HEATR5B: variants seen among roughly 807,000 people sequenced by gnomAD.
HEATR5B encodes the protein HEAT repeat-containing protein 5B.
Under a neutral mutation model 224.1 loss-of-function variants are expected in HEATR5B, and 156 were observed. The observed-to-expected ratio is 0.70, with a 90% CI of 0.61 to 0.80. The LOEUF is 0.80. HEATR5B is among the 30% of genes least tolerant of loss of function. The pLI, the probability that HEATR5B is intolerant of heterozygous loss-of-function variation, is 0.00. For missense variants in HEATR5B, 2,323 were observed against 2,535.5 expected, an observed-to-expected ratio of 0.92 and a Z score of 1.80; for synonymous variants, 1,027 against 893.0, an observed-to-expected ratio of 1.15 and a Z score of -2.68.
At chr2:37,001,332 A>C (rs1420343085) in intron 32 of HEATR5B, among the ~76,000 whole-genome samples, 2 of 152,182 alleles carry the variant, frequency 1.3e-5, no homozygotes, top group South Asian at 4.1e-4. Flanking sequence ...ATGAAAATTC[A>C]ACCTCCCACA....
intron 5 of HEATR5B, among the ~76,000 whole-genome samples, chr2:37,074,321 C>CAA (rs200217812): frequency 5.9e-5 from 3 of 50,584 alleles, no homozygotes; most frequent in Admixed American, 2.1e-4. Context: ...GACTCCATCT[C>CAA]AAAAAAAAAA....
chr2:37,072,180 C>A lies in HEATR5B; in HGVS notation c.699G>T (p.Gly233=), dbSNP rs1256240853. Reference sequence around the variant, plus strand: ...AAAGTTTAGACACTGCCACTCGTACCCCATAATTTGAGTTTTCCAAAGCCT... The same window carrying A: ...AAAGTTTAGACACTGCCACTCGTACACCATAATTTGAGTTTTCCAAAGCCT... ...CFKALENSNY[G]VRVAVSKLLG... is the part of the protein sequence containing the mutation. The change falls in exon 6 of 36, where the codon GGG becomes GGT. Residue 233 remains glycine, a synonymous_variant. Coordinates refer to ENST00000233099, the MANE Select transcript of HEATR5B (RefSeq NM_019024.3). 6.2e-7 allele frequency: 1 copy of A among 1,613,916 alleles called. No individual in the cohort carries two copies. The highest frequency in any genetic ancestry group is 1.7e-5 in the Admixed American group (1 of 60,012).
At chr2:37,057,284 A>C (rs1424200197) in intron 15 of HEATR5B, 33 bp downstream of exon 15, 1 of 1,509,388 alleles carries the variant, frequency 6.6e-7, no homozygotes, top group Non-Finnish European at 9.0e-7. Context: ...TTTCAGATTA[A>C]GTTAGTATTT....
chr2:36,986,483 G>A (rs976383991), intron 35 of HEATR5B, among the ~76,000 whole-genome samples: 16 of 152,110 alleles, frequency 1.1e-4, no homozygotes, highest in South Asian at 8.3e-4. Context: ...TATTGAAATC[G>A]CTTTTCAAAA....
Position 37,079,119 on chromosome 2 carries a change from C to T in HEATR5B, c.338+1G>A, listed in dbSNP as rs1459688965. On this transcript the variant is annotated splice_donor_variant, in intron 3 of 35. Transcript: ENST00000233099. LOFTEE classifies it high-confidence loss of function. ...GGGCCCCTATTAAAGTAAGTACTTACAATTTTGTTGGTAAGTAGGCCGCAG... is the reference window on the plus strand; with the variant it reads ...GGGCCCCTATTAAAGTAAGTACTTATAATTTTGTTGGTAAGTAGGCCGCAG... 1 of 1,568,174 alleles carries T rather than the reference C, an allele frequency of 6.4e-7. No individual in the cohort carries two copies. Among genetic ancestry groups the T allele is most frequent in the Admixed American group, 1.7e-5 (1 of 57,940 alleles).
At chr2:37,002,194 T>A in intron 32 of HEATR5B, 112 bp downstream of exon 32, 1 of 1,196,348 alleles carries the variant, frequency 8.4e-7, no homozygotes, top group African/African-American at 1.5e-5. Context: ...CTTCTTATTT[T>A]TCACTTGAGA....
rs140310043 is a variant in HEATR5B, at chr2:37,008,765, G to A, written c.4368C>T (p.Asp1456=). Residue 1456 remains aspartate (D), a synonymous_variant, in exon 28 of 36, where the codon GAC becomes GAT. Coordinates refer to ENST00000233099, the MANE Select transcript of HEATR5B (RefSeq NM_019024.3). ...GCAGTTCATCGATGGTACCACAGTC[G>A]TCATCATCATCGTCAGTATTTTTAA... ...RAIKNTDDDD[D]DCGTIDELPP... The A allele has an allele frequency of 4.6e-5, 75 of 1,613,940 alleles. No homozygotes were observed. Among genetic ancestry groups the A allele is most frequent in the Middle Eastern group, 1.7e-4 (1 of 6,060 alleles).
intron 8 of HEATR5B, 102 bp downstream of exon 8, chr2:37,068,579 A>C: frequency 8.0e-7 from 1 of 1,249,390 alleles, no homozygotes; most frequent in Non-Finnish European, 1.1e-6. Context: ...ATGAAAACAC[A>C]CAGAAAGATA....
At chr2:37,017,842 G>A (rs2148428982) in intron 26 of HEATR5B, among the ~76,000 whole-genome samples, 1 of 152,228 alleles carries the variant, frequency 6.6e-6, no homozygotes, top group Non-Finnish European at 1.5e-5. Context: ...GTGAATGAAT[G>A]TACATTTTAA....
rs76523430 is a variant in HEATR5B, at chr2:37,081,683, C to T, written c.126+1606G>A. ...TATGGAAGCAGACTGAAAGTTTATT[C>T]TCTGGGAAGAGTGAAATATTGTATG... On this transcript the variant is annotated intron_variant, in intron 2 of 35. Coordinates refer to ENST00000233099, the MANE Select transcript of HEATR5B (RefSeq NM_019024.3). Among the ~76,000 whole-genome samples, 670 of 152,210 alleles carry T rather than the reference C, an allele frequency of 4.4e-3. 7 individuals are homozygous for T. Among genetic ancestry groups the T allele is most frequent in the Non-Finnish European group, 7.0e-3 (473 of 68,024 alleles).
Position 36,988,784 on chromosome 2 carries a change from G to A in HEATR5B, c.5773C>T (p.His1925Tyr). 1 of 1,614,044 alleles carries A rather than the reference G, an allele frequency of 6.2e-7. No individual in the cohort carries two copies. The highest frequency in any genetic ancestry group is 1.3e-5 in the African/African-American group (1 of 75,054). ...SNRALSTPYI[H>Y]SLAPIVVEKL... The stretch of plus-strand genomic sequence containing the variant: ...TCAACCACTATTGGAGCTAATGAAT[G>A]AATATAAGGAGTTGAAAGGGCACGA... Residue 1925 changes from histidine to tyrosine, a missense_variant, in exon 35 of 36, where the codon CAT becomes TAT. His to Tyr is a moderately conservative substitution (Grantham distance 83). This residue lies in a region of HEATR5B where 844 missense variants were observed against 812.9 expected (regional missense o/e 1.04). Transcript: ENST00000233099.
chr2:36,984,653 A>C (rs1398785368), intron 35 of HEATR5B, among the ~76,000 whole-genome samples: 2 of 152,306 alleles, frequency 1.3e-5, no homozygotes, highest in East Asian at 3.9e-4. Context: ...AGCGATTAAA[A>C]GGAGCACAGA....
chr2:37,071,129 T>A (rs1671878754), intron 6 of HEATR5B, among the ~76,000 whole-genome samples: 1 of 130,254 alleles, frequency 7.7e-6, no homozygotes, highest in Non-Finnish European at 1.6e-5. Context: ...TTTAAAACAT[T>A]ACATCATCAT....
At chr2:37,023,656 C>T (rs1668598712) in intron 24 of HEATR5B, among the ~76,000 whole-genome samples, 1 of 151,996 alleles carries the variant, frequency 6.6e-6, no homozygotes, top group African/African-American at 2.4e-5. Flanking sequence ...GTAATGTCAG[C>T]AGCTCAGGAG....
In HEATR5B at chr2:37,028,082, C is replaced by T; in HGVS notation, c.3694G>A (p.Gly1232Ser). Residue 1232 changes from glycine to serine, a missense_variant, in exon 24 of 36, where the codon GGT (glycine) becomes AGT (serine). Transcript: ENST00000233099. ...AAGGGCTTTGATTTATCTTCTTCAC[C>T]TAACGTGGTAAACATGGTATCATCA... ...MDDDTMFTTL[G>S]EEDKSKPFVA... 2 of 1,613,968 alleles carry T rather than the reference C, an allele frequency of 1.2e-6. No homozygotes were observed. The highest frequency in any genetic ancestry group is 8.5e-7 in the Non-Finnish European group (1 of 1,179,838).
At chr2:37,017,248 GGTGGCACA>G (rs1224210128) in intron 26 of HEATR5B, among the ~76,000 whole-genome samples, 7 of 152,124 alleles carry the variant, frequency 4.6e-5, no homozygotes, top group Admixed American at 2.0e-4. Context: ...AGCTGGGCGT[GGTGGCACA>G]CACCTGTAAT....
intron 2 of HEATR5B, among the ~76,000 whole-genome samples, chr2:37,079,795 T>C (rs755161556): frequency 1.3e-5 from 2 of 152,220 alleles, no homozygotes; most frequent in Non-Finnish European, 2.9e-5. Flanking sequence ...GCTCTACCCA[T>C]AATCAATATC....
At position 37,019,852 on chromosome 2, in the gene HEATR5B, A is replaced by C. The variant is rs954292912; in HGVS notation, c.4061T>G (p.Phe1354Cys). 2.5e-6 allele frequency: 4 copies of C among 1,610,522 alleles called. No homozygotes were observed. The highest frequency in any genetic ancestry group is 3.3e-5 in the Admixed American group (2 of 59,940). Reference protein sequence around the residue: ...ANVGAALRPAFSQDTPSDIIA... With the variant: ...ANVGAALRPACSQDTPSDIIA... Reference sequence around the variant, plus strand: ...TATATCTGATGGTGTATCTTGTGAAAAGGCTGGTCTTAGAGCAGCTCCCAC... The same window carrying C: ...TATATCTGATGGTGTATCTTGTGAACAGGCTGGTCTTAGAGCAGCTCCCAC... Residue 1354 changes from phenylalanine (F) to cysteine (C), a missense_variant, in exon 26 of 36, where the codon TTT (phenylalanine) becomes TGT (cysteine). Phe to Cys is a radical substitution (Grantham distance 205, BLOSUM62 -2). Transcript: ENST00000233099.
intron 29 of HEATR5B, 94 bp downstream of exon 29, chr2:37,006,956 G>T: frequency 8.3e-7 from 1 of 1,208,362 alleles, no homozygotes; most frequent in Non-Finnish European, 1.2e-6. Context: ...TCTGAACTGT[G>T]CTATACTGTA....
Sources: gnomAD v4.1 joint callset for allele counts (sites outside exome capture counted in the v4.1 genomes callset) on GRCh38, gnomAD v4.1.1 for gene constraint, gnomAD v4.1.1 regional missense constraint, MANE v1.5 for transcripts, NCBI Gene and HGNC (gene_info 2026-07-23, HGNC 2026-07-21) for gene names.